The following NCAM1 variants were observed in gnomAD, a reference collection of about 807,000 sequenced individuals.
NCAM1 encodes antigen recognized by monoclonal antibody 5.1H11.
A neutral mutation model predicts 109.8 loss-of-function variants in NCAM1; 14 were observed. The ratio of observed to expected loss-of-function variants is 0.13; its 90% CI spans 0.08 to 0.20. NCAM1 has a LOEUF of 0.20. Among genes scored for constraint, NCAM1 ranks in the 10% least tolerant of loss-of-function variants. NCAM1 has a pLI of 1.00. For synonymous variants in NCAM1, 418 were observed against 442.9 expected (o/e 0.94, Z 0.70); for missense variants, 774 against 1,109.9 (o/e 0.70, Z 4.30).
chr11:113,115,009 G>T (rs1940632821), intron 1 of NCAM1, among the ~76,000 whole-genome samples: 1 of 152,136 alleles, frequency 6.6e-6, no homozygotes, highest in African/African-American at 2.4e-5. Flanking sequence ...ATTCAGAAAA[G>T]ACCGTTATAA....
chr11:113,036,403 C>T (rs1317620081), intron 1 of NCAM1, among the ~76,000 whole-genome samples: 1 of 151,990 alleles, frequency 6.6e-6, no homozygotes, highest in Non-Finnish European at 1.5e-5. Flanking sequence ...TGGCTCGCTC[C>T]TCTGCTCTCC....
chr11:113,240,831 A>C lies in NCAM1; in HGVS notation c.1826-5537A>C, dbSNP rs180801159. On this transcript the variant is annotated intron_variant, in intron 14 of 19. Transcript: ENST00000316851. Reference sequence around the variant, plus strand: ...ACCCCTGTTCCATTGTCTCCACCAGATAGTGAGTATCATTTTCTTCATCCA... The same window carrying C: ...ACCCCTGTTCCATTGTCTCCACCAGCTAGTGAGTATCATTTTCTTCATCCA... 10 of 1,613,126 alleles carry C rather than the reference A, an allele frequency of 6.2e-6. No homozygotes were observed. In the Admixed American group the frequency reaches 1.3e-4, roughly 22 times the overall value.
intron 1 of NCAM1, among the ~76,000 whole-genome samples, chr11:113,037,309 AAGAGGGT>A (rs1192448298): frequency 6.6e-6 from 1 of 152,168 alleles, no homozygotes; most frequent in African/African-American, 2.4e-5. Flanking sequence ...GGAGAAAAAC[AAGAGGGT>A]TGGGTTTGTG....
chr11:113,216,592 A>C (rs1555114436), intron 8 of NCAM1, among the ~76,000 whole-genome samples: 1 of 152,194 alleles, frequency 6.6e-6, no homozygotes, highest in Non-Finnish European at 1.5e-5. Context: ...ATCACTATAG[A>C]TCATTTGTCT....
chr11:112,971,042 T>G (rs1230933429), intron 1 of NCAM1, among the ~76,000 whole-genome samples: 1 of 152,150 alleles, frequency 6.6e-6, no homozygotes, highest in African/African-American at 2.4e-5. Flanking sequence ...CCTAATACCT[T>G]AACTTGTAGG....
intron 1 of NCAM1, among the ~76,000 whole-genome samples, chr11:113,055,342 CA>C (rs1377612716): frequency 6.6e-6 from 1 of 152,120 alleles, no homozygotes; most frequent in African/African-American, 2.4e-5. Flanking sequence ...GAGCCCGTTA[CA>C]AAAATAATGA....
At chr11:112,972,395 A>G (rs1241681354) in intron 1 of NCAM1, among the ~76,000 whole-genome samples, 2 of 152,170 alleles carry the variant, frequency 1.3e-5, no homozygotes, top group African/African-American at 4.8e-5. Context: ...AGCACACAGA[A>G]TGATATCTTG....
At chr11:113,068,030 C>T (rs1239625815) in intron 1 of NCAM1, among the ~76,000 whole-genome samples, 1 of 151,766 alleles carries the variant, frequency 6.6e-6, no homozygotes, top group Non-Finnish European at 1.5e-5. Context: ...CCTGCCTCAG[C>T]CTCCCGAGTA....
intron 1 of NCAM1, among the ~76,000 whole-genome samples, chr11:113,196,751 C>A (rs1943866664): frequency 6.6e-6 from 1 of 152,142 alleles, no homozygotes; most frequent in South Asian, 2.1e-4. Flanking sequence ...TCTTAACCAC[C>A]CTGCAATGTG....
At chr11:113,244,065 T>G (rs1057504462) in intron 14 of NCAM1, among the ~76,000 whole-genome samples, 100 of 150,102 alleles carry the variant, frequency 6.7e-4, no homozygotes, top group Admixed American at 1.2e-3. Flanking sequence ...TTATGAGGGG[T>G]TTTTTTTTAC....
In NCAM1 at chr11:113,273,200, C is replaced by A. The variant is rs1946324494; in HGVS notation, c.2456+1324C>A. On this transcript the variant is annotated intron_variant, in intron 19 of 19. Coordinates refer to ENST00000316851, the MANE Select transcript of NCAM1 (RefSeq NM_181351.5). The surrounding 1 kb of genome is among the most constrained non-coding windows in gnomAD (Gnocchi z 6.0). ...CAGCTTCAGCCCCCAAGGTCGCCCC[C>A]CTCGTTGACCTGAGCGACACCCCGA... 5.2e-6 allele frequency: 2 copies of A among 383,214 alleles called. No individual in the cohort carries two copies. Among genetic ancestry groups the A allele is most frequent in the Non-Finnish European group, 1.0e-5 (2 of 191,606 alleles). The allele number at this position is 383,214 out of a possible 1,614,324, so 23.7% of individuals were successfully genotyped here. A position where few individuals can be genotyped will look rare whatever the true frequency, so the allele number is the denominator to read the frequency against.
At chr11:113,088,627 T>C (rs1939197630) in intron 1 of NCAM1, among the ~76,000 whole-genome samples, 1 of 152,208 alleles carries the variant, frequency 6.6e-6, no homozygotes, top group African/African-American at 2.4e-5. Context: ...TGGGCCTGTC[T>C]TCTGATGTTC....
intron 1 of NCAM1, among the ~76,000 whole-genome samples, chr11:113,005,915 T>C (rs1951884217): frequency 6.6e-6 from 1 of 152,216 alleles, no homozygotes. Flanking sequence ...CCCTTGAAAC[T>C]GTTTTCACTA....
chr11:113,204,516 C>G lies in NCAM1; in HGVS notation c.346+12C>G, dbSNP rs782669402. On this transcript the variant is annotated intron_variant, in intron 3 of 19. Transcript: ENST00000316851. ...CGTGAAGATCTTTCGTAAGAGCCTC[C>G]TTCTTCTTCTGCATTCTCTGGCCTC... is the stretch of plus-strand genomic sequence containing the variant. The G allele has an allele frequency of 6.2e-7, 1 of 1,612,262 alleles. No homozygotes were observed. The highest frequency in any genetic ancestry group is 8.5e-7 in the Non-Finnish European group (1 of 1,178,618).
At chr11:112,990,394 G>A (rs537228387) in intron 1 of NCAM1, among the ~76,000 whole-genome samples, 1 of 152,274 alleles carries the variant, frequency 6.6e-6, no homozygotes, top group East Asian at 1.9e-4. Context: ...GACTCAGGAA[G>A]GCACGTCTCC....
chr11:113,009,331 T>TCG (rs200306232), intron 1 of NCAM1, among the ~76,000 whole-genome samples: 21 of 136,616 alleles, frequency 1.5e-4, no homozygotes, highest in Non-Finnish European at 3.0e-4. Flanking sequence ...TTTTTTTTTT[T>TCG]TTTTTTTTTT....
At chr11:113,075,148 G>A (rs940373460) in intron 1 of NCAM1, among the ~76,000 whole-genome samples, 3 of 151,980 alleles carry the variant, frequency 2.0e-5, no homozygotes, top group African/African-American at 7.2e-5. Context: ...CTCACTGCAT[G>A]CTGGACCTCT....
At chr11:113,120,206 G>A (rs1374966783) in intron 1 of NCAM1, among the ~76,000 whole-genome samples, 4 of 152,170 alleles carry the variant, frequency 2.6e-5, no homozygotes, top group African/African-American at 9.7e-5. Flanking sequence ...CTTTTGTTTT[G>A]TTTAAGAATT....
chr11:113,205,666 G>T lies in NCAM1; in HGVS notation c.490G>T (p.Val164Phe). 2 of 1,612,502 alleles carry T rather than the reference G, an allele frequency of 1.2e-6. No individual in the cohort carries two copies. Among genetic ancestry groups the T allele is most frequent in the South Asian group, 1.1e-5 (1 of 90,686 alleles). ...CCGAGATGTCATCCTGAAAAAAGATGGTGAGACCTGAATTTCCTGGCATCT... is the reference window on the plus strand; with the variant it reads ...CCGAGATGTCATCCTGAAAAAAGATTGTGAGACCTGAATTTCCTGGCATCT... ...KGRDVILKKD[V>F]RFIVLSNNYL... Residue 164 changes from valine (V) to phenylalanine (F), a missense_variant and splice_region_variant, in exon 4 of 20, where the codon GTC (valine) becomes TTC (phenylalanine). Transcript: ENST00000316851.
Sources: gnomAD v4.1 joint callset for allele counts (sites outside exome capture counted in the v4.1 genomes callset) on GRCh38, gnomAD v4.1.1 for gene constraint, Gnocchi (gnomAD v3.1) non-coding constraint, MANE v1.5 for transcripts, NCBI Gene and HGNC (gene_info 2026-07-23, HGNC 2026-07-21) for gene names.